MYH11: variants seen among roughly 807,000 people sequenced by gnomAD.
MYH11 encodes the protein myosin heavy chain 11.
A neutral mutation model predicts 246.6 loss-of-function variants in MYH11; 80 were observed. That is an observed-to-expected ratio of 0.32 (90% CI 0.27 to 0.39). MYH11 has a LOEUF of 0.39. MYH11 is among the 10% of genes least tolerant of loss of function. The probability of loss-of-function intolerance (pLI) is 1.00; values close to 1 mark genes in which losing one functional copy is unlikely to be tolerated. For missense variants in MYH11, 2,158 were observed against 2,546.8 expected, an observed-to-expected ratio of 0.85 and a Z score of 3.29; for synonymous variants, 1,071 against 1,015.5, an observed-to-expected ratio of 1.05 and a Z score of -1.04.
chr16:15,856,539 T>C (rs1002709298), intron 1 of MYH11, among the ~76,000 whole-genome samples: 1 of 152,112 alleles, frequency 6.6e-6, no homozygotes, highest in African/African-American at 2.4e-5. Flanking sequence ...ATGCCTTGAT[T>C]GTCTGCACCG....
chr16:15,727,707 C>T (rs1450810979), intron 27 of MYH11, among the ~76,000 whole-genome samples: 2 of 152,198 alleles, frequency 1.3e-5, no homozygotes, highest in Non-Finnish European at 2.9e-5. Flanking sequence ...GCCATGGCAG[C>T]TCATACTTGT....
intron 4 of MYH11, among the ~76,000 whole-genome samples, chr16:15,788,715 A>G (rs1440623132): frequency 2.0e-5 from 3 of 151,890 alleles, no homozygotes. Context: ...ATTATTTCAC[A>G]TGGCCTCAGA....
In MYH11 at chr16:15,759,561, C is replaced by T. The variant is rs781574005; in HGVS notation, c.1401+15G>A. 7.3e-5 allele frequency: 118 copies of T among 1,614,014 alleles called. 1 individual carries two copies. The South Asian group carries it at 1.2e-3, about 17-fold the overall frequency. On this transcript the variant is annotated intron_variant, in intron 12 of 40. Coordinates refer to ENST00000300036, the MANE Select transcript of MYH11 (RefSeq NM_002474.3). ...CAACCAAGACCATGGCTCTTAGGAT[C>T]CCACCGAGCTGTACCTCAAAGATCT...
At chr16:15,788,483 T>C (rs2042530693) in intron 4 of MYH11, among the ~76,000 whole-genome samples, 3 of 151,944 alleles carry the variant, frequency 2.0e-5, no homozygotes, top group Admixed American at 2.0e-4. Flanking sequence ...TAATTTTCTC[T>C]GCCAAAGGCC....
chr16:15,710,694 T>TG (rs1017903951), intron 40 of MYH11, among the ~76,000 whole-genome samples: 5 of 151,326 alleles, frequency 3.3e-5, no homozygotes, highest in South Asian at 2.1e-4. Context: ...TTTTGTTTTT[T>TG]TTTTGGAGAC....
intron 40 of MYH11, chr16:15,712,882 G>A (rs1046059387): frequency 5.5e-5 from 5 of 90,636 alleles, no homozygotes; most frequent in Non-Finnish European, 9.1e-5. Context: ...TTCACATACA[G>A]TTTTTTTTTT....
chr16:15,759,704 C>A lies in MYH11; in HGVS notation c.1273G>T (p.Ala425Ser). The A allele has an allele frequency of 6.2e-7, 1 of 1,614,174 alleles. No individual in the cohort carries two copies. The highest frequency in any genetic ancestry group is 8.5e-7 in the Non-Finnish European group (1 of 1,180,040). The change falls in exon 12 of 41, where the codon GCC becomes TCC. Residue 425 changes from alanine to serine, a missense_variant. Transcript: ENST00000300036. ...EQADFAVEALAKATYERLFRW... is the reference protein window; with the variant it reads ...EQADFAVEALSKATYERLFRW... ...AAAAGGCGCTCATATGTTGCCTTGG[C>A]CAAAGCCTCTACAGCAAAGTCAGCC...
At position 15,721,643 on chromosome 16, in the gene MYH11, C is replaced by G. The variant is rs780605828; in HGVS notation, c.4366-9G>C. On this transcript the variant is annotated splice_polypyrimidine_tract_variant and intron_variant, in intron 31 of 40. Transcript: ENST00000300036. Reference sequence around the variant, plus strand: ...TTCTCCTCGGCTAACAACTACAACACAAGACCCAGAGGTGACTTCTAGGCA... The same window carrying G: ...TTCTCCTCGGCTAACAACTACAACAGAAGACCCAGAGGTGACTTCTAGGCA... 18 of 1,614,170 alleles carry G rather than the reference C, an allele frequency of 1.1e-5. No homozygotes were observed. The highest frequency in any genetic ancestry group is 1.4e-5 in the Non-Finnish European group (16 of 1,180,016).
rs752821481 is a variant in MYH11 at position 15,726,875 on chromosome 16, C to T, written c.3831G>A (p.Glu1277=). 36 of 1,612,048 alleles carry T rather than the reference C, an allele frequency of 2.2e-5. No individual in the cohort carries two copies. Among genetic ancestry groups the T allele is most frequent in the Non-Finnish European group, 2.7e-5 (32 of 1,179,988 alleles). ...GCAGCTTGTGGACTTTGTCATTGAG[C>T]TCCGCCCGGGCCCGCTCCCCATCGC... ...KCSDGERARA[E]LNDKVHKLQN... Residue 1277 remains glutamate (E), a synonymous_variant, in exon 28 of 41, where the codon GAG becomes GAA. Coordinates refer to ENST00000300036, the MANE Select transcript of MYH11 (RefSeq NM_002474.3).
intron 10 of MYH11, among the ~76,000 whole-genome samples, chr16:15,761,106 G>T (rs781200149): frequency 1.3e-5 from 2 of 152,030 alleles, no homozygotes; most frequent in Admixed American, 1.3e-4. Flanking sequence ...TTATTTATTT[G>T]TTTATTTATT....
At chr16:15,838,595 C>A (rs542767654) in intron 1 of MYH11, among the ~76,000 whole-genome samples, 2 of 152,290 alleles carry the variant, frequency 1.3e-5, no homozygotes, top group Admixed American at 1.3e-4. Context: ...CAAGGTGGCT[C>A]ACACCTGTAA....
At chr16:15,850,990 G>A (rs1251513816) in intron 1 of MYH11, among the ~76,000 whole-genome samples, 1 of 152,184 alleles carries the variant, frequency 6.6e-6, no homozygotes, top group Non-Finnish European at 1.5e-5. Flanking sequence ...AGAACTATGG[G>A]AGGCCAAGCC....
intron 32 of MYH11, 155 bp downstream of exon 32, chr16:15,721,267 C>A: frequency 1.0e-6 from 1 of 996,624 alleles, no homozygotes; most frequent in Non-Finnish European, 1.5e-6. Context: ...ATTCTCAGCC[C>A]CTCCCAGCCC....
chr16:15,838,196 GT>G lies in MYH11; in HGVS notation c.56del (p.Asn19ThrfsTer61). On this transcript the variant is annotated frameshift_variant, in exon 2 of 41. Coordinates refer to ENST00000300036, the MANE Select transcript of MYH11 (RefSeq NM_002474.3). LOFTEE classifies it high-confidence loss of function. ...CCTGGGCCACTGGGCTGTTGATGAA[GT>G]TTTTGTCCACAAAGAGGAACTTCTC... ...DDEKFLFVDK[N>X]FINSPVAQAD... is the part of the protein sequence containing the mutation. The G allele has an allele frequency of 6.2e-7, 1 of 1,614,148 alleles. No homozygotes were observed. Among genetic ancestry groups the G allele is most frequent in the Non-Finnish European group, 8.5e-7 (1 of 1,180,032 alleles).
chr16:15,717,145 C>T lies in MYH11; in HGVS notation c.5499G>A (p.Glu1833=), dbSNP rs145252402. The part of the protein sequence containing the change: ...IAQLEEQVEQ[E]AREKQAATKS... Reference sequence around the variant, plus strand: ...GGAACTCCACACCCGCATACCTGGCCTCCTGCTCGACCTGCTCCTCCAGCT... The same window carrying T: ...GGAACTCCACACCCGCATACCTGGCTTCCTGCTCGACCTGCTCCTCCAGCT... Residue 1833 remains glutamate (E), a synonymous_variant, in exon 38 of 41, where the codon GAG becomes GAA. Transcript: ENST00000300036. The T allele has an allele frequency of 5.0e-6, 8 of 1,614,214 alleles. No homozygotes were observed. The East Asian group carries it at 1.1e-4, about 22-fold the overall frequency.
chr16:15,810,056 G>A (rs919061849), intron 3 of MYH11, among the ~76,000 whole-genome samples: 1 of 151,150 alleles, frequency 6.6e-6, no homozygotes. Context: ...TTTTTGAGAC[G>A]GAGTTTTGCT....
At chr16:15,806,956 C>CT (rs35562110) in intron 3 of MYH11, among the ~76,000 whole-genome samples, 37,827 of 149,828 alleles carry the variant, frequency 0.25, 5,467 homozygotes, top group African/African-American at 0.4. Context: ...ATAAGATCTG[C>CT]TTTTTTTTTT....
intron 19 of MYH11, among the ~76,000 whole-genome samples, 163 bp downstream of exon 19, chr16:15,747,407 A>G (rs1175563996): frequency 2.0e-5 from 3 of 152,184 alleles, no homozygotes; most frequent in African/African-American, 4.8e-5. Context: ...AACTTGGTAC[A>G]TTTATTTAAA....
intron 40 of MYH11, among the ~76,000 whole-genome samples, chr16:15,710,269 C>A (rs980825026): frequency 6.6e-6 from 1 of 152,010 alleles, no homozygotes; most frequent in South Asian, 2.1e-4. Context: ...ACGCCTGTAA[C>A]CCCAGCACTT....
Sources: allele counts gnomAD v4.1 joint callset (sites outside exome capture counted in the v4.1 genomes callset), GRCh38; gene constraint gnomAD v4.1.1; transcripts MANE v1.5; gene names NCBI Gene and HGNC (gene_info 2026-07-23, HGNC 2026-07-21).